Variants in SDK2 observed in about 807,000 individuals in gnomAD.
SDK2 encodes the protein sidekick cell adhesion molecule 2.
SDK2 carries 105 observed loss-of-function variants against 253.9 expected under a neutral mutation model. The observed-to-expected ratio is 0.41, with a 90% CI of 0.35 to 0.49. SDK2 has a LOEUF of 0.49. SDK2 is among the 20% of genes least tolerant of loss of function. The pLI, the probability that SDK2 is intolerant of heterozygous loss-of-function variation, is 0.06. For missense variants in SDK2, 2,608 were observed against 3,003.0 expected, an observed-to-expected ratio of 0.87 and a Z score of 3.07; for synonymous variants, 1,249 against 1,234.9, an observed-to-expected ratio of 1.01 and a Z score of -0.24.
chr17:73,469,981 T>TGCGCGTGC (rs1555585108), intron 3 of SDK2, among the ~76,000 whole-genome samples: 92 of 129,678 alleles, frequency 7.1e-4, no homozygotes, highest in African/African-American at 2.6e-3. Flanking sequence ...CATTTGCGAC[T>TGCGCGTGC]GCGCGCGCGC....
At chr17:73,399,412 C>G (rs868396787) in intron 21 of SDK2, 123 bp from the exon 22 acceptor site, 10 of 1,033,784 alleles carry the variant, frequency 9.7e-6, no homozygotes, top group Admixed American at 2.3e-5. Context: ...TGAGGAGAAG[C>G]ACAGCCACGG....
At chr17:73,504,860 C>G (rs948692294) in intron 2 of SDK2, among the ~76,000 whole-genome samples, 1 of 152,036 alleles carries the variant, frequency 6.6e-6, no homozygotes, top group Non-Finnish European at 1.5e-5. Context: ...TGAGACTATG[C>G]CAGCAGGAGC....
In SDK2 at chr17:73,452,241, C is replaced by T. The variant is rs949857571; in HGVS notation, c.479+3665G>A. 5.3e-5 allele frequency among the ~76,000 whole-genome samples: 8 copies of T among 152,178 alleles called. 1 individual carries two copies. The highest frequency in any genetic ancestry group is 7.3e-5 in the Non-Finnish European group (5 of 68,038). ...TCTGCTCTTGCCCCACCAGTGAGAGCGGCTCTCTGTAGATAGCAGCGCCTT... is the reference window on the plus strand; with the variant it reads ...TCTGCTCTTGCCCCACCAGTGAGAGTGGCTCTCTGTAGATAGCAGCGCCTT... On this transcript the variant is annotated intron_variant, in intron 4 of 44. Coordinates refer to ENST00000392650, the MANE Select transcript of SDK2 (RefSeq NM_001144952.2).
rs553729657 is a variant in SDK2 at position 73,346,189 on chromosome 17, C to T, written c.6165+2410G>A. On this transcript the variant is annotated intron_variant, in intron 44 of 44. Transcript: ENST00000392650. ...CACCATCATACTCCAGCCTAGGCAA[C>T]GAGGGCGAAACTCCGTCTCAAGAAA... is the stretch of plus-strand genomic sequence containing the variant. Among the ~76,000 whole-genome samples, 126 of 146,258 alleles carry T rather than the reference C, an allele frequency of 8.6e-4. 2 individuals are homozygous for T. Among genetic ancestry groups the T allele is most frequent in the African/African-American group, 2.9e-3 (114 of 39,192 alleles).
At chr17:73,617,606 T>C (rs536637723) in intron 1 of SDK2, among the ~76,000 whole-genome samples, 79 of 152,208 alleles carry the variant, frequency 5.2e-4, no homozygotes, top group African/African-American at 1.8e-3. Flanking sequence ...GAAGGGGGCG[T>C]CCCAGCTATT....
intron 21 of SDK2, among the ~76,000 whole-genome samples, chr17:73,400,626 G>A (rs1568383272): frequency 2.0e-5 from 3 of 152,082 alleles, no homozygotes; most frequent in South Asian, 4.1e-4. Context: ...TGGGAAGAAC[G>A]CTGGTATTCC....
intron 1 of SDK2, among the ~76,000 whole-genome samples, chr17:73,561,863 C>T (rs577824200): frequency 2.6e-5 from 4 of 152,302 alleles, no homozygotes; most frequent in South Asian, 2.1e-4. Flanking sequence ...CAGTGGCTCA[C>T]GCCTGTAATC....
At chr17:73,382,861 AACAACAACAACG>A (rs753791921) in intron 33 of SDK2, among the ~76,000 whole-genome samples, 10 of 131,230 alleles carry the variant, frequency 7.6e-5, no homozygotes, top group African/African-American at 1.1e-4. Flanking sequence ...CAACAACGAC[AACAACAACAACG>A]ACAACATTAG....
intron 1 of SDK2, among the ~76,000 whole-genome samples, chr17:73,566,971 C>T (rs1460817907): frequency 6.6e-6 from 1 of 151,836 alleles, no homozygotes; most frequent in African/African-American, 2.4e-5. Flanking sequence ...ACCCAAGGCA[C>T]TTGTAAGATA....
chr17:73,364,099 C>T (rs2062664149), intron 38 of SDK2, among the ~76,000 whole-genome samples: 1 of 152,044 alleles, frequency 6.6e-6, no homozygotes, highest in Admixed American at 6.6e-5. Context: ...AGAGGTCAGC[C>T]ACACCCCCAG....
chr17:73,506,917 G>T (rs1242578013), intron 2 of SDK2, among the ~76,000 whole-genome samples: 1 of 152,250 alleles, frequency 6.6e-6, no homozygotes, highest in Non-Finnish European at 1.5e-5. Context: ...CCATGGCACG[G>T]GCACAGATAG....
chr17:73,636,123 C>T (rs2046326652), intron 1 of SDK2, among the ~76,000 whole-genome samples: 5 of 152,066 alleles, frequency 3.3e-5, no homozygotes, highest in Admixed American at 3.3e-4. Context: ...GCCGTGGAAG[C>T]CAAAGGCAGC....
At chr17:73,578,829 C>A (rs546961569) in intron 1 of SDK2, among the ~76,000 whole-genome samples, 1 of 152,200 alleles carries the variant, frequency 6.6e-6, no homozygotes, top group African/African-American at 2.4e-5. Context: ...GCCGACCCCA[C>A]TTCCCATTCG....
chr17:73,452,325 CAG>C (rs1355840874), intron 4 of SDK2, among the ~76,000 whole-genome samples: 1 of 152,120 alleles, frequency 6.6e-6, no homozygotes, highest in Admixed American at 6.5e-5. Flanking sequence ...CTCTGACACA[CAG>C]ACACCAGGGA....
At position 73,384,348 on chromosome 17, in the gene SDK2, G is replaced by A. The variant is rs199569978; in HGVS notation, c.4570-337C>T. On this transcript the variant is annotated intron_variant, in intron 32 of 44. Coordinates refer to ENST00000392650, the MANE Select transcript of SDK2 (RefSeq NM_001144952.2). ...AGCTGTTTTCCTAGAGCCGCTCCTT[G>A]TTCACCTCCTTTGTCTTCAAGAGCT... Among the ~76,000 whole-genome samples the A allele has an allele frequency of 5.9e-5, 9 of 152,250 alleles. No individual in the cohort carries two copies. In the East Asian group the frequency reaches 1.2e-3, roughly 20 times the overall value.
intron 1 of SDK2, among the ~76,000 whole-genome samples, chr17:73,615,494 A>G (rs780744677): frequency 4.6e-4 from 70 of 152,210 alleles, no homozygotes; most frequent in Non-Finnish European, 8.7e-4. Flanking sequence ...AGAGAACATC[A>G]GGGATAAGAC....
intron 4 of SDK2, among the ~76,000 whole-genome samples, chr17:73,453,420 C>T (rs2063502673): frequency 6.6e-6 from 1 of 151,572 alleles, no homozygotes. Flanking sequence ...TCTTGTCACC[C>T]AGGCTAGAGT....
intron 1 of SDK2, among the ~76,000 whole-genome samples, chr17:73,533,697 C>T (rs1599655907): frequency 7.1e-6 from 1 of 140,152 alleles, no homozygotes; most frequent in Non-Finnish European, 1.6e-5. Context: ...CCCCACCCCC[C>T]CAGACAAATT....
chr17:73,588,394 A>G (rs2045635295), intron 1 of SDK2, among the ~76,000 whole-genome samples: 1 of 126,892 alleles, frequency 7.9e-6, no homozygotes, highest in Non-Finnish European at 1.8e-5. Context: ...TCTCAAAAAA[A>G]AAAAAAAAAA....
Sources: gnomAD v4.1 joint callset for allele counts (sites outside exome capture counted in the v4.1 genomes callset) on GRCh38, gnomAD v4.1.1 for gene constraint, MANE v1.5 for transcripts, NCBI Gene and HGNC (gene_info 2026-07-23, HGNC 2026-07-21) for gene names.